SCEL: variants seen among roughly 807,000 people sequenced by gnomAD.
The protein encoded by SCEL is sciellin.
Under a neutral mutation model 117.6 loss-of-function variants are expected in SCEL, and 113 were observed. The ratio of observed to expected loss-of-function variants is 0.96; its 90% CI spans 0.83 to 1.12. The LOEUF is 1.12. Ranked by LOEUF, SCEL falls within the 50% of genes most tolerant of loss-of-function variation. The pLI, the probability that SCEL is intolerant of heterozygous loss-of-function variation, is 0.00. For synonymous variants in SCEL, 270 were observed against 256.2 expected (o/e 1.05, Z -0.51); for missense variants, 785 against 810.8 (o/e 0.97, Z 0.39).
rs569919865 is a variant in SCEL, at chr13:77,555,725, G to C, written c.-19-132G>C. The C allele has an allele frequency of 1.5e-5, 9 of 605,772 alleles. No homozygotes were observed. The South Asian group carries it at 2.1e-4, about 14-fold the overall frequency. 37.5% of individuals were successfully genotyped at this position (605,772 alleles called of 1,614,324 possible). ...TCTTGGGTTCTTAGGGGCACTTTAT[G>C]TCATGCATTTGTTATGACAGATCCT... On this transcript the variant is annotated intron_variant, in intron 1 of 32. Coordinates refer to ENST00000349847, the MANE Select transcript of SCEL (RefSeq NM_144777.3).
At position 77,599,737 on chromosome 13, in the gene SCEL, A is replaced by G. The variant is rs2087517816; in HGVS notation, c.906A>G (p.Lys302=). ...TCTATATGAGTACCCGGACAGATAAAGATGGCAAAGGGTAAGATTTTATTA... is the reference window on the plus strand; with the variant it reads ...TCTATATGAGTACCCGGACAGATAAGGATGGCAAAGGGTAAGATTTTATTA... ...SLIYMSTRTD[K]DGKGIQSLGS... is the part of the protein sequence containing the mutation. The change falls in exon 15 of 33, where the codon AAA becomes AAG. Residue 302 remains lysine, a synonymous_variant. Coordinates refer to ENST00000349847, the MANE Select transcript of SCEL (RefSeq NM_144777.3). The G allele has an allele frequency of 6.2e-7, 1 of 1,609,434 alleles. No individual in the cohort carries two copies. The highest frequency in any genetic ancestry group is 1.1e-5 in the South Asian group (1 of 90,978).
intron 5 of SCEL, among the ~76,000 whole-genome samples, chr13:77,564,575 T>C (rs958379709): frequency 1.3e-5 from 2 of 152,154 alleles, no homozygotes; most frequent in African/African-American, 4.8e-5. Context: ...TTAGTAAGCA[T>C]AAGTAAAGGA....
At chr13:77,574,474 A>C (rs2085821479) in intron 9 of SCEL, among the ~76,000 whole-genome samples, 1 of 152,230 alleles carries the variant, frequency 6.6e-6, no homozygotes, top group Non-Finnish European at 1.5e-5. Flanking sequence ...AAACGAAAAG[A>C]CTTCTCTTTG....
At chr13:77,584,284 C>T (rs753070145) in intron 9 of SCEL, among the ~76,000 whole-genome samples, 1 of 152,202 alleles carries the variant, frequency 6.6e-6, no homozygotes, top group Non-Finnish European at 1.5e-5. Context: ...TCATTGCCCG[C>T]CCCACCCCAG....
At position 77,637,126 on chromosome 13, in the gene SCEL, A is replaced by AC; in HGVS notation, c.1773dup (p.Lys592GlnfsTer21). 2.0e-6 allele frequency: 3 copies of AC among 1,536,350 alleles called. No individual in the cohort carries two copies. Among genetic ancestry groups the AC allele is most frequent in the Non-Finnish European group, 2.6e-6 (3 of 1,132,974 alleles). On this transcript the variant is annotated frameshift_variant, in exon 30 of 33. Coordinates refer to ENST00000349847, the MANE Select transcript of SCEL (RefSeq NM_144777.3). LOFTEE classifies it high-confidence loss of function. ...CCATATATTTTGTTCCTAGTAAATC[A>AC]CCCAAGGATGGATATCAGGAGAATA...
Position 77,559,945 on chromosome 13 carries a change from T to C in SCEL, c.221+82T>C, listed in dbSNP as rs1011907356. ...AGAAGACTTGTTCAAGACAGCTGAA[T>C]ATTTGCAGCATGCCTTGGGCTTTCC... On this transcript the variant is annotated intron_variant, in intron 4 of 32. Coordinates refer to ENST00000349847, the MANE Select transcript of SCEL (RefSeq NM_144777.3). 27 of 1,175,898 alleles carry C rather than the reference T, an allele frequency of 2.3e-5. 1 individual carries two copies. The highest frequency in any genetic ancestry group is 2.3e-4 in the South Asian group (18 of 79,940). 72.8% of individuals were successfully genotyped at this position (1,175,898 alleles called of 1,614,324 possible). A position where few individuals can be genotyped will look rare whatever the true frequency, so the allele number is the denominator to read the frequency against.
intron 23 of SCEL, among the ~76,000 whole-genome samples, chr13:77,613,338 C>G (rs570471078): frequency 6.6e-6 from 1 of 152,170 alleles, no homozygotes. Flanking sequence ...AAACTGACAA[C>G]ATAATATTCT....
intron 1 of SCEL, among the ~76,000 whole-genome samples, chr13:77,553,181 A>C (rs1484930732): frequency 6.6e-6 from 1 of 152,220 alleles, no homozygotes; most frequent in African/African-American, 2.4e-5. Flanking sequence ...GCACCCAGGG[A>C]GCACCTACTC....
intron 24 of SCEL, 147 bp from the exon 25 acceptor site, chr13:77,617,452 C>G (rs1230644559): frequency 1.8e-6 from 1 of 553,024 alleles, no homozygotes; most frequent in Middle Eastern, 4.8e-4. Flanking sequence ...ATTCTTCATC[C>G]CCTAAATTGG....
chr13:77,578,910 G>A (rs914402105), intron 9 of SCEL, among the ~76,000 whole-genome samples: 1 of 152,138 alleles, frequency 6.6e-6, no homozygotes, highest in African/African-American at 2.4e-5. Context: ...GTTTGGGAAT[G>A]AACCCAAGGA....
chr13:77,602,176 T>C (rs1363829169), intron 16 of SCEL, 52 bp downstream of exon 16: 5 of 1,466,622 alleles, frequency 3.4e-6, no homozygotes, highest in Non-Finnish European at 4.7e-6. Context: ...GTTAGCTTTT[T>C]TACCTCATTA....
intron 1 of SCEL, among the ~76,000 whole-genome samples, chr13:77,546,711 T>C (rs935157045): frequency 7.2e-5 from 11 of 152,112 alleles, no homozygotes; most frequent in Admixed American, 1.3e-4. Flanking sequence ...AAGAAATCTC[T>C]TAAACAAACG....
At chr13:77,626,911 C>T (rs963146648) in intron 27 of SCEL, among the ~76,000 whole-genome samples, 1 of 151,910 alleles carries the variant, frequency 6.6e-6, no homozygotes, top group Non-Finnish European at 1.5e-5. Context: ...AAACAGTGCT[C>T]CTACCCTATT....
In SCEL at chr13:77,588,396, G is replaced by C. The variant is rs557958289; in HGVS notation, c.546-748G>C. On this transcript the variant is annotated intron_variant, in intron 9 of 32. Coordinates refer to ENST00000349847, the MANE Select transcript of SCEL (RefSeq NM_144777.3). Reference sequence around the variant, plus strand: ...GCCAGAAGGGTACACAGGATCAGAGGGTTCTTTTACCAGGTACAGAGTTTA... The same window carrying C: ...GCCAGAAGGGTACACAGGATCAGAGCGTTCTTTTACCAGGTACAGAGTTTA... Among the ~76,000 whole-genome samples, 5 of 152,218 alleles carry C rather than the reference G, an allele frequency of 3.3e-5. No homozygotes were observed. The South Asian group carries it at 8.3e-4, about 25-fold the overall frequency.
rs778854517 is a variant in SCEL, at chr13:77,556,729, G to T, written c.161+16G>T. 89 of 1,560,812 alleles carry T rather than the reference G, an allele frequency of 5.7e-5. No homozygotes were observed. Among genetic ancestry groups the T allele is most frequent in the Non-Finnish European group, 7.7e-5 (87 of 1,132,406 alleles). ...AAGAAGAAAAGTAAGCTGGTGTGGA[G>T]CGTGGTGGGTGGACAGAAGGGCAGA... is the stretch of plus-strand genomic sequence containing the variant. On this transcript the variant is annotated intron_variant, in intron 3 of 32. Coordinates refer to ENST00000349847, the MANE Select transcript of SCEL (RefSeq NM_144777.3).
chr13:77,551,396 A>C lies in SCEL; in HGVS notation c.-19-4461A>C, dbSNP rs146886455. Among the ~76,000 whole-genome samples, 1,390 of 152,290 alleles carry C rather than the reference A, an allele frequency of 9.1e-3. 28 individuals carry two copies. The highest frequency in any genetic ancestry group is 0.031 in the African/African-American group (1,284 of 41,560). ...TGACTTGCCTATTTTATAACTCTTC[A>C]AATTACTTTTTTCATAAGGACTCCA... On this transcript the variant is annotated intron_variant, in intron 1 of 32. Coordinates refer to ENST00000349847, the MANE Select transcript of SCEL (RefSeq NM_144777.3).
At chr13:77,592,543 T>TTTC (rs199629385) in intron 11 of SCEL, among the ~76,000 whole-genome samples, 3 of 150,838 alleles carry the variant, frequency 2.0e-5, no homozygotes, top group East Asian at 1.9e-4. Context: ...GTTCTTTTCT[T>TTTC]TTCTTCTTCT....
intron 27 of SCEL, among the ~76,000 whole-genome samples, chr13:77,624,852 C>T (rs551752086): frequency 6.6e-6 from 1 of 152,236 alleles, no homozygotes; most frequent in South Asian, 2.1e-4. Context: ...CCCTGGGGTT[C>T]CTTTAATATC....
At chr13:77,572,667 A>G (rs1321953080) in intron 9 of SCEL, among the ~76,000 whole-genome samples, 1 of 152,184 alleles carries the variant, frequency 6.6e-6, no homozygotes, top group Admixed American at 6.5e-5. Flanking sequence ...CGCTGCCTTC[A>G]TCTTCACATG....
Sources: allele counts gnomAD v4.1 joint callset (sites outside exome capture counted in the v4.1 genomes callset), GRCh38; gene constraint gnomAD v4.1.1; transcripts MANE v1.5; gene names NCBI Gene and HGNC (gene_info 2026-07-23, HGNC 2026-07-21).